Variants in CHD5 observed in about 807,000 individuals in gnomAD.
The protein encoded by CHD5 is chromodomain helicase DNA binding protein 5.
Under a neutral mutation model 230.3 loss-of-function variants are expected in CHD5, and 69 were observed. That is an observed-to-expected ratio of 0.30 (90% CI 0.25 to 0.37). CHD5 has a LOEUF of 0.37. Among genes scored for constraint, CHD5 ranks in the 10% least tolerant of loss-of-function variants. CHD5 has a pLI of 1.00. For synonymous variants in CHD5, 1,064 were observed against 1,065.9 expected (o/e 1.00, Z 0.03); for missense variants, 1,827 against 2,622.8 (o/e 0.70, Z 6.63).
chr1:6,102,170 T>C lies in CHD5; in HGVS notation c.*3304A>G, dbSNP rs773179329. The stretch of plus-strand genomic sequence containing the variant: ...CTCTCCAGGGGTGCTTGGGCTCCAA[T>C]CGCTGCTTGAGGAGTTCAGGACACA... On this transcript the variant is annotated 3_prime_UTR_variant, in exon 42 of 42. Transcript: ENST00000262450. 9.2e-5 allele frequency: 24 copies of C among 259,558 alleles called. No homozygotes were observed. Among genetic ancestry groups the C allele is most frequent in the Non-Finnish European group, 1.7e-4 (21 of 127,122 alleles). 16.1% of individuals were successfully genotyped at this position (259,558 alleles called of 1,614,324 possible). A position where few individuals can be genotyped will look rare whatever the true frequency, so the allele number is the denominator to read the frequency against.
intron 15 of CHD5, among the ~76,000 whole-genome samples, chr1:6,140,768 G>C (rs188405259): frequency 1.1e-4 from 17 of 152,212 alleles, no homozygotes; most frequent in African/African-American, 4.1e-4. Context: ...GGGAGGCTGA[G>C]GCAGGAGGAT....
intron 3 of CHD5, among the ~76,000 whole-genome samples, chr1:6,158,531 T>A (rs531261547): frequency 6.6e-6 from 1 of 152,336 alleles, no homozygotes; most frequent in Admixed American, 6.5e-5. Context: ...AAAAATTAGC[T>A]GTGCGTGGTG....
At chr1:6,117,096 G>A (rs542959026) in intron 33 of CHD5, among the ~76,000 whole-genome samples, 5 of 152,208 alleles carry the variant, frequency 3.3e-5, no homozygotes, top group African/African-American at 1.2e-4. Flanking sequence ...AGTTGAGGGG[G>A]AAAAGAGGAG....
At chr1:6,123,448 T>C (rs908159070) in intron 31 of CHD5, among the ~76,000 whole-genome samples, 4 of 151,854 alleles carry the variant, frequency 2.6e-5, no homozygotes, top group Admixed American at 1.3e-4. Context: ...TTTTTTGAGA[T>C]GGAGTCTTGC....
chr1:6,121,395 G>C lies in CHD5; in HGVS notation c.4779+99C>G. The C allele has an allele frequency of 6.8e-7, 1 of 1,480,230 alleles. No individual in the cohort carries two copies. Among genetic ancestry groups the C allele is most frequent in the South Asian group, 1.2e-5 (1 of 85,638 alleles). The allele number at this position is 1,480,230 out of a possible 1,614,324, so 91.7% of individuals were successfully genotyped here. A position where few individuals can be genotyped will look rare whatever the true frequency, so the allele number is the denominator to read the frequency against. On this transcript the variant is annotated intron_variant, in intron 32 of 41. Coordinates refer to ENST00000262450, the MANE Select transcript of CHD5 (RefSeq NM_015557.3). The surrounding 1 kb of genome is among the most constrained non-coding windows in gnomAD (Gnocchi z 4.5). The stretch of plus-strand genomic sequence containing the variant: ...CAGAGCCCCGAAAAGGGAGCCAGGA[G>C]GCCTGGGTTCCACCTCGCTGTACAG...
Position 6,128,776 on chromosome 1 carries a change from G to A in CHD5, c.3619+62C>T, listed in dbSNP as rs528433169. The A allele has an allele frequency of 7.0e-7, 1 of 1,437,610 alleles. No homozygotes were observed. Among genetic ancestry groups the A allele is most frequent in the Non-Finnish European group, 9.7e-7 (1 of 1,028,792 alleles). 89.1% of individuals were successfully genotyped at this position (1,437,610 alleles called of 1,614,324 possible). ...CGGGCAGGGACCCAAGCAAGCCCTG[G>A]ATGGGTGTCTCAGCCGGGCCACCCC... On this transcript the variant is annotated intron_variant, in intron 23 of 41. Coordinates refer to ENST00000262450, the MANE Select transcript of CHD5 (RefSeq NM_015557.3). The surrounding 1 kb of genome is among the most constrained non-coding windows in gnomAD (Gnocchi z 7.8).
intron 3 of CHD5, among the ~76,000 whole-genome samples, chr1:6,159,006 C>CA (rs35569300): frequency 0.18 from 11,318 of 63,464 alleles, 998 homozygotes; most frequent in East Asian, 0.38. Flanking sequence ...GACTCCGTCT[C>CA]AAAAAAAAAA....
rs573215215 is a variant in CHD5 at position 6,109,929 on chromosome 1, G to A, written c.5444C>T (p.Thr1815Met). The A allele has an allele frequency of 1.2e-5, 19 of 1,605,684 alleles. No homozygotes were observed. The highest frequency in any genetic ancestry group is 1.7e-4 in the Middle Eastern group (1 of 5,996). ...QLRRAAYLNM[T>M]QDPNHPAMAL... The stretch of plus-strand genomic sequence containing the variant: ...CATGGCGGGGTGGTTGGGGTCCTGC[G>A]TCATGTTCAGGTACGCGGCCCTCCG... The change falls in exon 38 of 42, where the codon ACG (threonine) becomes ATG (methionine). Residue 1815 changes from threonine (T) to methionine (M), a missense_variant. Physicochemically the swap from Thr to Met is moderately conservative, Grantham distance 81. This residue lies in a region of CHD5 where 208 missense variants were observed against 302.0 expected (regional missense o/e 0.69). Transcript: ENST00000262450.
At chr1:6,153,695 G>A (rs375319516) in intron 5 of CHD5, among the ~76,000 whole-genome samples, 2 of 152,188 alleles carry the variant, frequency 1.3e-5, no homozygotes, top group African/African-American at 4.8e-5. Context: ...GCCAGGTGTG[G>A]TGATGCACTC....
intron 6 of CHD5, among the ~76,000 whole-genome samples, chr1:6,151,796 C>T (rs1426467604): frequency 2.0e-5 from 3 of 152,102 alleles, no homozygotes; most frequent in Admixed American, 6.5e-5. Flanking sequence ...CTCCACCCAC[C>T]GCAGGGCTGG....
intron 1 of CHD5, among the ~76,000 whole-genome samples, chr1:6,173,340 G>A (rs906191056): frequency 6.6e-6 from 1 of 151,938 alleles, no homozygotes; most frequent in Non-Finnish European, 1.5e-5. Flanking sequence ...TCCTGACCTC[G>A]TGATCCACCC....
chr1:6,107,727 G>A (rs1354715162), intron 38 of CHD5, among the ~76,000 whole-genome samples: 7 of 89,770 alleles, frequency 7.8e-5, no homozygotes, highest in East Asian at 6.4e-4. Context: ...GATGATGGAG[G>A]GATGAGGGAT....
intron 36 of CHD5, 90 bp from the exon 37 acceptor site, chr1:6,110,616 C>G: frequency 6.1e-6 from 8 of 1,315,826 alleles, no homozygotes; most frequent in Admixed American, 2.0e-5. Flanking sequence ...GGGGCCAGCC[C>G]GGGGGTCGGC....
rs1327242540 is a variant in CHD5, at chr1:6,130,191, C to T, written c.3387+13G>A. On this transcript the variant is annotated intron_variant, in intron 22 of 41. Coordinates refer to ENST00000262450, the MANE Select transcript of CHD5 (RefSeq NM_015557.3). This position sits in a 1 kb window ranked among gnomAD's most constrained non-coding sequence, Gnocchi z 4.9. ...GGCCCCCTGGGAGGGTGGTGGGCGG[C>T]AGCAGCACAGACCTGGATGTCATTG... 6.2e-7 allele frequency: 1 copy of T among 1,613,376 alleles called. No individual in the cohort carries two copies. Among genetic ancestry groups the T allele is most frequent in the East Asian group, 2.2e-5 (1 of 44,866 alleles).
At position 6,155,558 on chromosome 1, in the gene CHD5, G is replaced by A. The variant is rs1230360092; in HGVS notation, c.506+41C>T. ...TCCCTCCCGACTTGGTACCACCAGAGGATGTGCGGGCCTGGAGAACAGCCC... is the reference window on the plus strand; with the variant it reads ...TCCCTCCCGACTTGGTACCACCAGAAGATGTGCGGGCCTGGAGAACAGCCC... On this transcript the variant is annotated intron_variant, in intron 4 of 41. Transcript: ENST00000262450. This position sits in a 1 kb window ranked among gnomAD's most constrained non-coding sequence, Gnocchi z 4.0. 1.3e-6 allele frequency: 2 copies of A among 1,520,648 alleles called. No homozygotes were observed. The highest frequency in any genetic ancestry group is 1.8e-6 in the Non-Finnish European group (2 of 1,095,388). 94.2% of individuals were successfully genotyped at this position (1,520,648 alleles called of 1,614,324 possible). A position where few individuals can be genotyped will look rare whatever the true frequency, so the allele number is the denominator to read the frequency against.
chr1:6,147,332 C>T (rs1666927159), intron 9 of CHD5, among the ~76,000 whole-genome samples: 1 of 152,156 alleles, frequency 6.6e-6, no homozygotes, highest in Non-Finnish European at 1.5e-5. Flanking sequence ...TGTGCTGGAG[C>T]CCAGGGACAC....
chr1:6,157,891 G>A (rs1667104671), intron 3 of CHD5, among the ~76,000 whole-genome samples: 1 of 152,166 alleles, frequency 6.6e-6, no homozygotes, highest in Non-Finnish European at 1.5e-5. Flanking sequence ...ACACTCCACT[G>A]ACTCATGAAA....
chr1:6,113,710 C>T (rs1002769965), intron 33 of CHD5, among the ~76,000 whole-genome samples: 5 of 152,176 alleles, frequency 3.3e-5, no homozygotes, highest in Non-Finnish European at 7.4e-5. Flanking sequence ...CACCACTGGC[C>T]ACGGGAGTGA....
chr1:6,134,372 C>A lies in CHD5; in HGVS notation c.3013-113G>T. Reference sequence around the variant, plus strand: ...GCTGAGCAATGGGGTGATGGCCTGTCTGCCCACTGAACATGAGACCCACAC... The same window carrying A: ...GCTGAGCAATGGGGTGATGGCCTGTATGCCCACTGAACATGAGACCCACAC... On this transcript the variant is annotated intron_variant, in intron 19 of 41. Transcript: ENST00000262450. This position sits in a 1 kb window ranked among gnomAD's most constrained non-coding sequence, Gnocchi z 6.3. 7.7e-7 allele frequency: 1 copy of A among 1,303,348 alleles called. No homozygotes were observed. The highest frequency in any genetic ancestry group is 1.1e-6 in the Non-Finnish European group (1 of 935,814). 80.7% of individuals were successfully genotyped at this position (1,303,348 alleles called of 1,614,324 possible). A position where few individuals can be genotyped will look rare whatever the true frequency, so the allele number is the denominator to read the frequency against.
Sources: allele counts gnomAD v4.1 joint callset (sites outside exome capture counted in the v4.1 genomes callset), GRCh38; gene constraint gnomAD v4.1.1; regional missense constraint gnomAD v4.1.1; non-coding constraint Gnocchi (gnomAD v3.1); transcripts MANE v1.5; gene names NCBI Gene and HGNC (gene_info 2026-07-23, HGNC 2026-07-21).